Variants in ZMYM2 observed in about 807,000 individuals in gnomAD.
ZMYM2 encodes the protein zinc finger MYM-type containing 2, also known as zinc finger MYM-type protein 2.
Under a neutral mutation model 162.8 loss-of-function variants are expected in ZMYM2, and 56 were observed. That is an observed-to-expected ratio of 0.34 (90% CI 0.28 to 0.43). The LOEUF is 0.43. Ranked by LOEUF, ZMYM2 falls within the 20% of genes least tolerant of loss-of-function variation. The pLI is 1.00. For missense variants in ZMYM2, 1,275 were observed against 1,621.8 expected, an observed-to-expected ratio of 0.79 and a Z score of 3.67; for synonymous variants, 510 against 541.6, an observed-to-expected ratio of 0.94 and a Z score of 0.81.
intron 12 of ZMYM2, among the ~76,000 whole-genome samples, chr13:20,045,124 G>T: frequency 7.0e-6 from 1 of 143,622 alleles, no homozygotes. Flanking sequence ...GGCCTCTAAA[G>T]AAACAAATGA....
intron 12 of ZMYM2, among the ~76,000 whole-genome samples, chr13:20,045,762 GTGA>G (rs140511179): frequency 0.024 from 3,673 of 152,210 alleles, 57 homozygotes; most frequent in Non-Finnish European, 0.035. Context: ...TTGTTACCAT[GTGA>G]TGATGATTTC....
chr13:19,951,501 T>C, the ZMYM2 span, among the ~76,000 whole-genome samples: 124,602 of 140,484 alleles, frequency 0.89, 55,970 homozygotes, highest in East Asian at 0.99. Flanking sequence ...ACCAGCCTGG[T>C]CAACACGGTG....
At chr13:20,002,510 T>G (rs1950470024) in intron 3 of ZMYM2, among the ~76,000 whole-genome samples, 1 of 152,170 alleles carries the variant, frequency 6.6e-6, no homozygotes, top group African/African-American at 2.4e-5. Context: ...TTTAAAAAAT[T>G]GACAAAACTT....
the ZMYM2 span, among the ~76,000 whole-genome samples, chr13:19,880,768 T>C: frequency 1.3e-5 from 2 of 152,064 alleles, no homozygotes; most frequent in East Asian, 3.8e-4. Context: ...GATTGTTCAC[T>C]GTTAGTGTGT....
chr13:20,050,220 G>T (rs1182529424), intron 12 of ZMYM2, among the ~76,000 whole-genome samples: 1 of 151,488 alleles, frequency 6.6e-6, no homozygotes, highest in Non-Finnish European at 1.5e-5. Context: ...AGAAATACCT[G>T]ACCTGGAGAA....
rs190050364 is a variant in ZMYM2, at chr13:19,966,916, T to C, written c.-11+6890T>C. On this transcript the variant is annotated intron_variant, in intron 2 of 24. Coordinates refer to ENST00000610343, the MANE Select transcript of ZMYM2 (RefSeq NM_197968.4). ...TAGTCCTGTTTCTTAGCCAAATAAG[T>C]GTTAACTCCTGCCTAGGAAGTCATT... Among the ~76,000 whole-genome samples the C allele has an allele frequency of 9.2e-3, 1,407 of 152,312 alleles. 76 individuals are homozygous for C. Among genetic ancestry groups the C allele is most frequent in the Admixed American group, 0.081 (1,234 of 15,296 alleles).
chr13:20,002,550 G>C (rs1950472829), intron 3 of ZMYM2, among the ~76,000 whole-genome samples: 1 of 152,042 alleles, frequency 6.6e-6, no homozygotes, highest in Non-Finnish European at 1.5e-5. Flanking sequence ...ACAACATGTT[G>C]CTTTGAAGTA....
the ZMYM2 span, among the ~76,000 whole-genome samples, chr13:19,925,441 G>T: frequency 1.3e-5 from 2 of 152,160 alleles, no homozygotes; most frequent in South Asian, 2.1e-4. Context: ...TATAGTAATA[G>T]ATTTTAAATA....
At chr13:19,937,136 A>T in the ZMYM2 span, among the ~76,000 whole-genome samples, 2 of 151,760 alleles carry the variant, frequency 1.3e-5, no homozygotes, top group African/African-American at 2.4e-5. Flanking sequence ...ACATTAAATG[A>T]CCTGTTAGTA....
intron 22 of ZMYM2, 86 bp downstream of exon 22, chr13:20,082,216 GT>G (rs757815717): frequency 7.6e-5 from 77 of 1,014,650 alleles, no homozygotes; most frequent in Non-Finnish European, 1.1e-4. Context: ...TTATAATTAA[GT>G]CACTTAAATT....
At chr13:19,931,156 T>A in the ZMYM2 span, among the ~76,000 whole-genome samples, 7,667 of 135,446 alleles carry the variant, frequency 0.057, 459 homozygotes, top group African/African-American at 0.15. Context: ...AAAATAATAA[T>A]AATAATAATA....
chr13:19,896,390 C>T, the ZMYM2 span, among the ~76,000 whole-genome samples: 8,609 of 151,164 alleles, frequency 0.057, 517 homozygotes, highest in African/African-American at 0.14. Context: ...GTGATCCGCC[C>T]GCCTCAGCCT....
At chr13:20,011,664 C>T (rs1170759760) in intron 6 of ZMYM2, among the ~76,000 whole-genome samples, 3 of 150,362 alleles carry the variant, frequency 2.0e-5, no homozygotes, top group African/African-American at 7.4e-5. Flanking sequence ...AGTGCAACCT[C>T]TGCCTCCTTG....
At chr13:19,880,219 T>C in the ZMYM2 span, among the ~76,000 whole-genome samples, 1 of 152,184 alleles carries the variant, frequency 6.6e-6, no homozygotes, top group Non-Finnish European at 1.5e-5. Flanking sequence ...AAGACACTCA[T>C]ATATCCATGT....
At chr13:19,959,922 T>C (rs1955005167) in intron 1 of ZMYM2, 36 bp from the exon 2 acceptor site, 1 of 152,252 alleles carries the variant, frequency 6.6e-6, no homozygotes, top group African/African-American at 2.4e-5. Flanking sequence ...AGGTTGTGTG[T>C]TTTTGATACA....
the ZMYM2 span, among the ~76,000 whole-genome samples, chr13:19,931,122 G>C: frequency 1.4e-5 from 2 of 144,044 alleles, no homozygotes; most frequent in South Asian, 4.3e-4. Flanking sequence ...CTGGGTGAAA[G>C]AGCGAGACTC....
chr13:19,916,486 G>C, the ZMYM2 span, among the ~76,000 whole-genome samples: 2 of 152,152 alleles, frequency 1.3e-5, no homozygotes, highest in African/African-American at 4.8e-5. Flanking sequence ...TGGTAGACTG[G>C]ATTAAGAAAA....
the ZMYM2 span, among the ~76,000 whole-genome samples, chr13:19,906,229 C>T: frequency 4.9e-5 from 7 of 143,814 alleles, no homozygotes; most frequent in East Asian, 2.1e-4. Context: ...GAACAGAAAT[C>T]GCACCATTGC....
At chr13:19,883,220 T>C in the ZMYM2 span, among the ~76,000 whole-genome samples, 8 of 152,086 alleles carry the variant, frequency 5.3e-5, no homozygotes, top group African/African-American at 1.7e-4. Flanking sequence ...AGGAACCAGA[T>C]AGGTGGTTTC....
Sources: allele counts gnomAD v4.1 joint callset (sites outside exome capture counted in the v4.1 genomes callset), GRCh38; gene constraint gnomAD v4.1.1; transcripts MANE v1.5; gene names NCBI Gene and HGNC (gene_info 2026-07-23, HGNC 2026-07-21).